CNTNAP3: variants seen among roughly 807,000 people sequenced by gnomAD.
CNTNAP3 encodes contactin associated protein family member 3, also known as contactin-associated protein-like 3.
A neutral mutation model predicts 92.1 loss-of-function variants in CNTNAP3; 36 were observed. The ratio of observed to expected loss-of-function variants is 0.39; its 90% CI spans 0.30 to 0.52. The LOEUF (loss-of-function observed/expected upper bound fraction) is 0.52, where lower values mean the gene tolerates loss of function less well. CNTNAP3 is among the 20% of genes least tolerant of loss of function. The pLI is 0.76. For missense variants in CNTNAP3, 534 were observed against 1,069.6 expected (o/e 0.50, Z 6.98); for synonymous variants, 232 against 422.3 (o/e 0.55, Z 5.53).
chr9:39,119,411 A>T (rs936649091), intron 13 of CNTNAP3, among the ~76,000 whole-genome samples: 1 of 151,862 alleles, frequency 6.6e-6, no homozygotes, highest in Non-Finnish European at 1.5e-5. Flanking sequence ...TAGTACCAGG[A>T]ATCTTTTAAA....
At chr9:39,086,126 T>G in intron 20 of CNTNAP3, 1 of 473,956 alleles carries the variant, frequency 2.1e-6, no homozygotes, top group South Asian at 2.2e-5. Flanking sequence ...TTGGTTGTTT[T>G]AAACTTAAAT....
At chr9:39,108,848 T>A (rs1477076714) in intron 15 of CNTNAP3, among the ~76,000 whole-genome samples, 4 of 152,178 alleles carry the variant, frequency 2.6e-5, no homozygotes, top group Non-Finnish European at 5.9e-5. Flanking sequence ...TGAATAAATA[T>A]CCCTTAGAAT....
At chr9:39,118,720 T>C (rs1820930292) in intron 13 of CNTNAP3, among the ~76,000 whole-genome samples, 1 of 152,270 alleles carries the variant, frequency 6.6e-6, no homozygotes, top group African/African-American at 2.4e-5. Flanking sequence ...AAAGATATGG[T>C]ACTCTCTGTC....
intron 11 of CNTNAP3, among the ~76,000 whole-genome samples, chr9:39,143,274 G>C (rs1002577477): frequency 2.0e-5 from 3 of 151,766 alleles, no homozygotes; most frequent in Non-Finnish European, 2.9e-5. Flanking sequence ...ACACTTAAAT[G>C]TCTACCAGAA....
chr9:39,136,449 T>C (rs2118070515), intron 12 of CNTNAP3, among the ~76,000 whole-genome samples: 1 of 152,210 alleles, frequency 6.6e-6, no homozygotes, highest in East Asian at 1.9e-4. Flanking sequence ...ATTTCTTCAC[T>C]TTTCAAGGAG....
At position 39,067,897 on chromosome 9, in the gene CNTNAP3, A is replaced by C. The variant is rs1198340764; in HGVS notation, c.*5993T>G. 6.6e-6 allele frequency among the ~76,000 whole-genome samples: 1 copy of C among 152,298 alleles called. No homozygotes were observed. Among genetic ancestry groups the C allele is most frequent in the Non-Finnish European group, 1.5e-5 (1 of 68,052 alleles). On this transcript the variant is annotated 3_prime_UTR_variant, in exon 24 of 24. Transcript: ENST00000297668. ...TATTCTACCTAATGCCCTATTAATT[A>C]TGGGGATTTCTGGTATAGCCCATGG...
chr9:39,130,528 G>C (rs552389574), intron 13 of CNTNAP3, among the ~76,000 whole-genome samples: 1 of 137,036 alleles, frequency 7.3e-6, no homozygotes, highest in East Asian at 2.1e-4. Context: ...GAGATGGAAC[G>C]GAGTCTTGCT....
Position 39,287,852 on chromosome 9 carries a change from T to G in CNTNAP3, c.85+128A>C. The G allele has an allele frequency of 1.9e-5, 3 of 159,080 alleles. 1 individual carries two copies. Among genetic ancestry groups the G allele is most frequent in the Non-Finnish European group, 3.9e-5 (3 of 77,566 alleles). The allele number at this position is 159,080 out of a possible 1,614,324, so 9.9% of individuals were successfully genotyped here. On this transcript the variant is annotated intron_variant, in intron 1 of 23. Transcript: ENST00000297668. ...TTTTCGGGTTGCAATTCCAAATTTT[T>G]TTTAAGGTTCTTCATGTTCAGGAGC...
At chr9:39,119,279 A>C (rs1388834948) in intron 13 of CNTNAP3, among the ~76,000 whole-genome samples, 3 of 150,520 alleles carry the variant, frequency 2.0e-5, no homozygotes, top group Admixed American at 6.7e-5. Flanking sequence ...GCTTATTACA[A>C]CTCAATTATA....
At chr9:39,135,868 G>A (rs1172563885) in intron 12 of CNTNAP3, among the ~76,000 whole-genome samples, 3 of 152,078 alleles carry the variant, frequency 2.0e-5, no homozygotes, top group Non-Finnish European at 4.4e-5. Context: ...GGTGGCTCAC[G>A]CCTGTAATCC....
At chr9:39,121,701 T>TC (rs1228180310) in intron 13 of CNTNAP3, among the ~76,000 whole-genome samples, 2 of 151,604 alleles carry the variant, frequency 1.3e-5, no homozygotes, top group South Asian at 4.2e-4. Flanking sequence ...CCTTAGAGGG[T>TC]CAACACACCT....
chr9:39,132,844 T>C lies in CNTNAP3; in HGVS notation c.2080+88A>G, dbSNP rs572804326. 5.0e-5 allele frequency: 70 copies of C among 1,404,528 alleles called. No homozygotes were observed. The African/African-American group carries it at 9.3e-4, about 19-fold the overall frequency. 87.0% of individuals were successfully genotyped at this position (1,404,528 alleles called of 1,614,324 possible). ...GAACTAAGAGCCACGGGAGGGACCC[T>C]GGCCTTTTCTCCCTCAAACGCATCT... On this transcript the variant is annotated intron_variant, in intron 13 of 23. Coordinates refer to ENST00000297668, the MANE Select transcript of CNTNAP3 (RefSeq NM_033655.5).
intron 14 of CNTNAP3, among the ~76,000 whole-genome samples, chr9:39,110,400 A>C (rs1826716135): frequency 6.6e-6 from 1 of 152,154 alleles, no homozygotes; most frequent in Admixed American, 6.5e-5. Flanking sequence ...TGTCTCAAAA[A>C]ATACAAAAAA....
Position 39,078,446 on chromosome 9 carries a change from T to A in CNTNAP3, c.3684A>T (p.Gly1228=). 6.2e-7 allele frequency: 1 copy of A among 1,612,136 alleles called. No homozygotes were observed. Among genetic ancestry groups the A allele is most frequent in the Non-Finnish European group, 8.5e-7 (1 of 1,179,880 alleles). Residue 1228 remains glycine, a synonymous_variant, in exon 23 of 24, where the codon GGA becomes GGT. Coordinates refer to ENST00000297668, the MANE Select transcript of CNTNAP3 (RefSeq NM_033655.5). ...CCAAGGGCTCTCCCTCATCCGCTGG[T>A]CCAGAACGACCTACAACAGGGAAAG... is the stretch of plus-strand genomic sequence containing the variant. ...PRLAGGAGRS[G]PADEGEPLVN... is the part of the protein sequence containing the mutation.
At chr9:39,107,582 C>T (rs553792204) in intron 15 of CNTNAP3, among the ~76,000 whole-genome samples, 2 of 151,656 alleles carry the variant, frequency 1.3e-5, no homozygotes, top group Non-Finnish European at 2.9e-5. Context: ...AATCAAAGAC[C>T]CAAACAAAAT....
chr9:39,132,123 T>G (rs1419570891), intron 13 of CNTNAP3, among the ~76,000 whole-genome samples: 1 of 151,996 alleles, frequency 6.6e-6, no homozygotes, highest in Non-Finnish European at 1.5e-5. Flanking sequence ...TGGGCTCCAG[T>G]GATCCTCCCG....
At chr9:39,100,690 C>T (rs1431292388) in intron 17 of CNTNAP3, among the ~76,000 whole-genome samples, 1 of 152,070 alleles carries the variant, frequency 6.6e-6, no homozygotes, top group Non-Finnish European at 1.5e-5. Context: ...GAAGGGGTGA[C>T]ACCGTACCCC....
chr9:39,081,169 G>A (rs1029993180), intron 21 of CNTNAP3, among the ~76,000 whole-genome samples: 6 of 151,396 alleles, frequency 4.0e-5, no homozygotes, highest in Admixed American at 3.9e-4. Context: ...CACAATCCAG[G>A]AAGAAACTCG....
chr9:39,117,849 A>G (rs1820895742), intron 14 of CNTNAP3: 2 of 645,654 alleles, frequency 3.1e-6, no homozygotes, highest in Non-Finnish European at 4.8e-6. Flanking sequence ...CAGTGAGTGG[A>G]AAACTTAACA....
Sources: gnomAD v4.1 joint callset for allele counts (sites outside exome capture counted in the v4.1 genomes callset) on GRCh38, gnomAD v4.1.1 for gene constraint, MANE v1.5 for transcripts, NCBI Gene and HGNC (gene_info 2026-07-23, HGNC 2026-07-21) for gene names.